Variants in MYO5C observed in about 807,000 individuals in gnomAD.
MYO5C encodes myosin VC.
MYO5C carries 194 observed loss-of-function variants against 235.7 expected under a neutral mutation model. The ratio of observed to expected loss-of-function variants is 0.82; its 90% CI spans 0.73 to 0.93. MYO5C has a LOEUF of 0.93. Among genes scored for constraint, MYO5C ranks in the 40% least tolerant of loss-of-function variants. The probability of loss-of-function intolerance (pLI) is 0.00; values close to 1 mark genes in which losing one functional copy is unlikely to be tolerated. For missense variants in MYO5C, 2,038 were observed against 2,127.2 expected (o/e 0.96, Z 0.82); for synonymous variants, 707 against 754.8 (o/e 0.94, Z 1.04).
At chr15:52,205,238 A>G in intron 37 of MYO5C, 91 bp from the exon 38 acceptor site, 5 of 1,392,580 alleles carry the variant, frequency 3.6e-6, no homozygotes, top group Non-Finnish European at 4.9e-6. Context: ...GAGATGGGAC[A>G]TTTTTCTACA....
At chr15:52,206,430 C>T (rs1382412334) in intron 36 of MYO5C, among the ~76,000 whole-genome samples, 1 of 152,182 alleles carries the variant, frequency 6.6e-6, no homozygotes, top group African/African-American at 2.4e-5. Flanking sequence ...AAGCCCTAAC[C>T]CCCTAGTGTG....
Position 52,295,768 on chromosome 15 carries a change from T to C in MYO5C, c.-132A>G, listed in dbSNP as rs2037490904. The stretch of plus-strand genomic sequence containing the variant: ...CGCCGGGCCATCTTGCCCAAAGTTT[T>C]CCAACGGCCTCCTGTTCCCGTTCCC... On this transcript the variant is annotated 5_prime_UTR_variant, in exon 1 of 41. Transcript: ENST00000261839. The C allele has an allele frequency of 5.5e-6, 3 of 545,874 alleles. No homozygotes were observed. The highest frequency in any genetic ancestry group is 2.0e-5 in the African/African-American group (1 of 50,466). The allele number at this position is 545,874 out of a possible 1,614,324, so 33.8% of individuals were successfully genotyped here. A position where few individuals can be genotyped will look rare whatever the true frequency, so the allele number is the denominator to read the frequency against.
intron 1 of MYO5C, among the ~76,000 whole-genome samples, chr15:52,283,427 A>G (rs2037200662): frequency 6.6e-6 from 1 of 152,242 alleles, no homozygotes; most frequent in African/African-American, 2.4e-5. Context: ...TGGGCTGCCA[A>G]GGACTCCCAC....
In MYO5C at chr15:52,248,730, G is replaced by A. The variant is rs1596190484; in HGVS notation, c.1716C>T (p.Asp572=). The part of the protein sequence containing the change: ...FLEKNRDTVY[D]MLVEILRASK... The stretch of plus-strand genomic sequence containing the variant: ...TTGCTCTCAGGATTTCAACCAGCAT[G>A]TCATAGACGGTGTCTCTGTTTTTCT... Residue 572 remains aspartate (D), a synonymous_variant, in exon 14 of 41, where the codon GAC becomes GAT. Coordinates refer to ENST00000261839, the MANE Select transcript of MYO5C (RefSeq NM_018728.4). 1.2e-6 allele frequency: 2 copies of A among 1,614,042 alleles called. No homozygotes were observed. Among genetic ancestry groups the A allele is most frequent in the Non-Finnish European group, 8.5e-7 (1 of 1,179,968 alleles).
chr15:52,256,504 G>A (rs1655947668), intron 11 of MYO5C, 135 bp downstream of exon 11: 4 of 618,466 alleles, frequency 6.5e-6, no homozygotes, highest in Middle Eastern at 3.5e-4. Flanking sequence ...GTGACCCAGC[G>A]TGAGGCTCCT....
chr15:52,279,096 C>T (rs2037110805), intron 3 of MYO5C, 79 bp from the exon 4 acceptor site: 4 of 1,438,104 alleles, frequency 2.8e-6, no homozygotes, highest in African/African-American at 2.8e-5. Context: ...TAAGAAACCC[C>T]AGCTCTGTCG....
rs777051253 is a variant in MYO5C at position 52,229,452 on chromosome 15, C to T, written c.3027-139G>A. ...CTAGCCTGGGCAACAAGAGAGACCCCGTCCCCACTAAAAATACAAAAATTA... is the reference window on the plus strand; with the variant it reads ...CTAGCCTGGGCAACAAGAGAGACCCTGTCCCCACTAAAAATACAAAAATTA... On this transcript the variant is annotated intron_variant, in intron 24 of 40. Coordinates refer to ENST00000261839, the MANE Select transcript of MYO5C (RefSeq NM_018728.4). 9.8e-6 allele frequency: 7 copies of T among 716,918 alleles called. No homozygotes were observed. In the East Asian group the frequency reaches 1.1e-4, roughly 12 times the overall value. The allele number at this position is 716,918 out of a possible 1,614,324, so 44.4% of individuals were successfully genotyped here.
At chr15:52,220,346 G>A (rs1169890751) in intron 30 of MYO5C, among the ~76,000 whole-genome samples, 1 of 152,104 alleles carries the variant, frequency 6.6e-6, no homozygotes, top group Non-Finnish European at 1.5e-5. Context: ...GCAGCAGCCT[G>A]TTTATTTTTT....
intron 20 of MYO5C, among the ~76,000 whole-genome samples, chr15:52,240,557 GAAAAAAGAAAAAA>G (rs2036194762): frequency 1.2e-5 from 1 of 85,514 alleles, no homozygotes; most frequent in Non-Finnish European, 3.0e-5. Context: ...AGAAAAAGAA[GAAAAAAGAAAAAA>G]AAAAAAGAAA....
At position 52,280,298 on chromosome 15, in the gene MYO5C, C is replaced by A. The variant is rs1052550826; in HGVS notation, c.139-624G>T. 3.3e-5 allele frequency among the ~76,000 whole-genome samples: 5 copies of A among 152,210 alleles called. No individual in the cohort carries two copies. The South Asian group carries it at 8.3e-4, about 25-fold the overall frequency. On this transcript the variant is annotated intron_variant, in intron 2 of 40. Coordinates refer to ENST00000261839, the MANE Select transcript of MYO5C (RefSeq NM_018728.4). ...CATGCCCGAGGGCTCACAGCTCCCCCAGCAGGGCTGTCTATTCCTATCAGT... is the reference window on the plus strand; with the variant it reads ...CATGCCCGAGGGCTCACAGCTCCCCAAGCAGGGCTGTCTATTCCTATCAGT...
At chr15:52,276,861 A>G (rs2037063018) in intron 4 of MYO5C, among the ~76,000 whole-genome samples, 1 of 152,102 alleles carries the variant, frequency 6.6e-6, no homozygotes, top group African/African-American at 2.4e-5. Context: ...AGCTTCTAAC[A>G]TGGCTCTGTG....
At chr15:52,230,599 G>A (rs2035926348) in intron 24 of MYO5C, among the ~76,000 whole-genome samples, 1 of 151,968 alleles carries the variant, frequency 6.6e-6, no homozygotes, top group South Asian at 2.1e-4. Context: ...TAGTAGAGAT[G>A]GGGTTTTGCC....
intron 8 of MYO5C, among the ~76,000 whole-genome samples, chr15:52,266,131 C>T (rs1169935237): frequency 6.6e-6 from 1 of 152,184 alleles, no homozygotes; most frequent in Non-Finnish European, 1.5e-5. Context: ...TACTCCAGGC[C>T]TTCCAGAAAC....
chr15:52,275,765 A>G, intron 4 of MYO5C, 47 bp from the exon 5 acceptor site: 1 of 1,584,852 alleles, frequency 6.3e-7, no homozygotes. Flanking sequence ...CCCATTAAAG[A>G]GGCAACATGT....
intron 10 of MYO5C, among the ~76,000 whole-genome samples, chr15:52,257,899 G>C (rs1395709224): frequency 6.6e-6 from 1 of 152,180 alleles, no homozygotes; most frequent in East Asian, 1.9e-4. Context: ...TCCTGGGCAG[G>C]GTAAGAACCT....
intron 8 of MYO5C, among the ~76,000 whole-genome samples, chr15:52,265,664 G>A (rs2036793160): frequency 6.6e-6 from 1 of 151,952 alleles, no homozygotes; most frequent in South Asian, 2.1e-4. Context: ...TCCGCCTCCT[G>A]AGTAGCTGGG....
chr15:52,214,849 C>T (rs1368872106), intron 32 of MYO5C, among the ~76,000 whole-genome samples, 159 bp from the exon 33 acceptor site: 1 of 151,580 alleles, frequency 6.6e-6, no homozygotes, highest in Non-Finnish European at 1.5e-5. Flanking sequence ...CAGAGTTGTG[C>T]TACAATCATC....
At position 52,221,330 on chromosome 15, in the gene MYO5C, G is replaced by A. The variant is rs2035680490; in HGVS notation, c.3628-75C>T. On this transcript the variant is annotated intron_variant, in intron 29 of 40. Transcript: ENST00000261839. Reference sequence around the variant, plus strand: ...AACTTTAAAATCTTAGAAGCAAACTGAACTATCTTGGTGTTCAGCCTGCAG... The same window carrying A: ...AACTTTAAAATCTTAGAAGCAAACTAAACTATCTTGGTGTTCAGCCTGCAG... 1.2e-5 allele frequency: 13 copies of A among 1,067,400 alleles called. No individual in the cohort carries two copies. The South Asian group carries it at 2.1e-4, about 17-fold the overall frequency. 66.1% of individuals were successfully genotyped at this position (1,067,400 alleles called of 1,614,324 possible). A position where few individuals can be genotyped will look rare whatever the true frequency, so the allele number is the denominator to read the frequency against.
Position 52,291,731 on chromosome 15 carries a change from GTTTTTTTTTT to G in MYO5C, c.27+3869_27+3878del, listed in dbSNP as rs1196328559. ...TTTTTTCTTTGTTTGCATATTTTAT[GTTTTTTTTTT>G]TTTTTTTTTTTTTTTGAGACAGGGT... On this transcript the variant is annotated intron_variant, in intron 1 of 40. Coordinates refer to ENST00000261839, the MANE Select transcript of MYO5C (RefSeq NM_018728.4). Among the ~76,000 whole-genome samples the G allele has an allele frequency of 2.1e-3, 110 of 52,556 alleles. 3 individuals are homozygous for G. Among genetic ancestry groups the G allele is most frequent in the Admixed American group, 3.0e-3 (10 of 3,358 alleles). 34.5% of individuals were successfully genotyped at this position (52,556 alleles called of 152,430 possible).
Sources: gnomAD v4.1 joint callset for allele counts (sites outside exome capture counted in the v4.1 genomes callset) on GRCh38, gnomAD v4.1.1 for gene constraint, MANE v1.5 for transcripts, NCBI Gene and HGNC (gene_info 2026-07-23, HGNC 2026-07-21) for gene names.